Variants in ZNF106 observed in about 807,000 individuals in gnomAD.
The protein encoded by ZNF106 is SH3-domain binding protein 3.
Under a neutral mutation model 195.1 loss-of-function variants are expected in ZNF106, and 67 were observed. That is an observed-to-expected ratio of 0.34 (90% CI 0.28 to 0.42). The LOEUF (loss-of-function observed/expected upper bound fraction) is 0.42. Among genes scored for constraint, ZNF106 ranks in the 10% least tolerant of loss-of-function variants. The probability of loss-of-function intolerance (pLI) is 1.00; values close to 1 mark genes in which losing one functional copy is unlikely to be tolerated. For synonymous variants in ZNF106, 784 were observed against 818.6 expected (o/e 0.96, Z 0.72); for missense variants, 2,118 against 2,304.5 (o/e 0.92, Z 1.66).
chr15:42,460,545 G>A (rs926329631), intron 3 of ZNF106, among the ~76,000 whole-genome samples: 54 of 152,182 alleles, frequency 3.5e-4, no homozygotes, highest in Non-Finnish European at 1.6e-4. Flanking sequence ...ACCCTGCCCA[G>A]AAGGGCATAC....
At chr15:42,466,028 T>A (rs1054501580) in intron 3 of ZNF106, 25 bp downstream of exon 3, 2 of 1,524,434 alleles carry the variant, frequency 1.3e-6, no homozygotes, top group Middle Eastern at 1.7e-4. Flanking sequence ...ATTCACAAAC[T>A]TATGGAAGAG....
In ZNF106 at chr15:42,417,308, G is replaced by A; in HGVS notation, c.5717C>T (p.Ser1906Leu). 1 of 1,613,986 alleles carries A rather than the reference G, an allele frequency of 6.2e-7. No homozygotes were observed. Among genetic ancestry groups the A allele is most frequent in the Non-Finnish European group, 8.5e-7 (1 of 1,179,972 alleles). Residue 1906 changes from serine (S) to leucine (L), a missense_variant, in exon 22 of 22, where the codon TCA (serine) becomes TTA (leucine). Physicochemically the swap from Ser to Leu is moderately radical, Grantham distance 145. Transcript: ENST00000564754. ...RHAEDDSKID[S>L] ...CAACGTGGGAGGCAAAAAACTTCAT[G>A]AATCAATTTTGCTGTCATCTTCAGC...
chr15:42,472,073 G>A (rs2056682382), intron 2 of ZNF106, among the ~76,000 whole-genome samples, 163 bp downstream of exon 2: 2 of 152,024 alleles, frequency 1.3e-5, no homozygotes, highest in Non-Finnish European at 2.9e-5. Flanking sequence ...AGAAACCAGT[G>A]GAATGAGACT....
In ZNF106 at chr15:42,466,107, T is replaced by C; in HGVS notation, c.62A>G (p.Asp21Gly). The change falls in exon 3 of 22, where the codon GAC becomes GGC. Residue 21 changes from aspartate to glycine, a missense_variant. Transcript: ENST00000564754. Reference protein sequence around the residue: ...HIVYSSKKEMDEHMRSMLHHR... With the variant: ...HIVYSSKKEMGEHMRSMLHHR... ...ATGCAACATGCTCCGCATGTGTTCGTCCATCTCCTTCAAAATAAAAGAAAG... is the reference window on the plus strand; with the variant it reads ...ATGCAACATGCTCCGCATGTGTTCGCCCATCTCCTTCAAAATAAAAGAAAG... 6.5e-7 allele frequency: 1 copy of C among 1,531,566 alleles called. No individual in the cohort carries two copies. The highest frequency in any genetic ancestry group is 8.7e-7 in the Non-Finnish European group (1 of 1,145,006). The allele number at this position is 1,531,566 out of a possible 1,614,324, so 94.9% of individuals were successfully genotyped here.
intron 1 of ZNF106, among the ~76,000 whole-genome samples, chr15:42,475,398 C>A (rs1219628469): frequency 6.6e-6 from 1 of 152,102 alleles, no homozygotes; most frequent in Non-Finnish European, 1.5e-5. Context: ...GCCGAGATGA[C>A]GCCCCTGCAC....
intron 1 of ZNF106, among the ~76,000 whole-genome samples, chr15:42,481,688 G>T (rs1397741537): frequency 6.6e-6 from 1 of 152,036 alleles, no homozygotes; most frequent in Admixed American, 6.6e-5. Flanking sequence ...CTATTCTGCT[G>T]AATCTGAAAT....
At chr15:42,444,436 T>C (rs2055686985) in intron 8 of ZNF106, among the ~76,000 whole-genome samples, 174 bp from the exon 9 acceptor site, 1 of 152,196 alleles carries the variant, frequency 6.6e-6, no homozygotes, top group Non-Finnish European at 1.5e-5. Context: ...GCCTTGAAGA[T>C]TCCCAGGCAC....
At chr15:42,465,422 G>A (rs957176719) in intron 3 of ZNF106, among the ~76,000 whole-genome samples, 1 of 151,868 alleles carries the variant, frequency 6.6e-6, no homozygotes, top group East Asian at 1.9e-4. Context: ...GGGACCACAG[G>A]CTATTAGCTG....
chr15:42,444,596 G>T (rs994549468), intron 8 of ZNF106, among the ~76,000 whole-genome samples: 10 of 152,212 alleles, frequency 6.6e-5, no homozygotes, highest in African/African-American at 2.4e-4. Flanking sequence ...GACTGCTGCA[G>T]CCTACTCTGT....
At chr15:42,422,064 T>G in intron 18 of ZNF106, 76 bp from the exon 19 acceptor site, 45 of 1,279,384 alleles carry the variant, frequency 3.5e-5, no homozygotes, top group Non-Finnish European at 4.5e-5. Context: ...TAAAGGCCTT[T>G]GGCAGGTTTA....
At chr15:42,481,844 T>C (rs2056906526) in intron 1 of ZNF106, among the ~76,000 whole-genome samples, 1 of 152,206 alleles carries the variant, frequency 6.6e-6, no homozygotes, top group Admixed American at 6.5e-5. Context: ...TCTAGATTTT[T>C]CCTTTTGTCT....
chr15:42,442,095 G>C lies in ZNF106; in HGVS notation c.3741C>G (p.Ser1247=). Reference sequence around the variant, plus strand: ...TACTATTAGCTTCCAGTAATTCCTTGGACACATTGCAGGCAGAGCTTGGTG... The same window carrying C: ...TACTATTAGCTTCCAGTAATTCCTTCGACACATTGCAGGCAGAGCTTGGTG... ...AVPPSSACNV[S]KELLEANREI... Residue 1247 remains serine (S), a synonymous_variant, in exon 10 of 22, where the codon TCC becomes TCG. Coordinates refer to ENST00000564754, the MANE Select transcript of ZNF106 (RefSeq NM_001366845.3). 1 of 1,612,902 alleles carries C rather than the reference G, an allele frequency of 6.2e-7. No individual in the cohort carries two copies. The highest frequency in any genetic ancestry group is 8.5e-7 in the Non-Finnish European group (1 of 1,179,324).
At position 42,413,698 on chromosome 15, in the gene ZNF106, C is replaced by T. The variant is rs1483938762; in HGVS notation, c.*3606G>A. 1.3e-5 allele frequency: 2 copies of T among 152,560 alleles called. No individual in the cohort carries two copies. The highest frequency in any genetic ancestry group is 4.8e-5 in the African/African-American group (2 of 41,424). 9.5% of individuals were successfully genotyped at this position (152,560 alleles called of 1,614,324 possible). A position where few individuals can be genotyped will look rare whatever the true frequency, so the allele number is the denominator to read the frequency against. On this transcript the variant is annotated 3_prime_UTR_variant, in exon 22 of 22. Transcript: ENST00000564754. Reference sequence around the variant, plus strand: ...ATCACTTAAACAGTAATAATATTGCCTCTAAATTAAAGGTAAGTCAGGAGC... The same window carrying T: ...ATCACTTAAACAGTAATAATATTGCTTCTAAATTAAAGGTAAGTCAGGAGC...
intron 5 of ZNF106, among the ~76,000 whole-genome samples, chr15:42,449,294 G>C (rs573822947): frequency 6.6e-6 from 1 of 152,276 alleles, no homozygotes; most frequent in South Asian, 2.1e-4. Context: ...GCGCTTAAGA[G>C]AAAGCATGTT....
Position 42,439,110 on chromosome 15 carries a change from T to G in ZNF106, c.4467A>C (p.Glu1489Asp). 1 of 1,614,176 alleles carries G rather than the reference T, an allele frequency of 6.2e-7. No homozygotes were observed. The highest frequency in any genetic ancestry group is 8.5e-7 in the Non-Finnish European group (1 of 1,180,022). Residue 1489 changes from glutamate to aspartate, a missense_variant, in exon 11 of 22, where the codon GAA becomes GAC. Physicochemically the swap from Glu to Asp is conservative, Grantham distance 45. Coordinates refer to ENST00000564754, the MANE Select transcript of ZNF106 (RefSeq NM_001366845.3). ...CTTCATCACACCCAGAACGAGACGT[T>G]TCTAGTGGGTTTTGCTCTGTAGAGT... ...IWNSTEQNPL[E>D]TSRSGCDEVS...
intron 3 of ZNF106, 137 bp from the exon 4 acceptor site, chr15:42,457,295 T>A: frequency 1.3e-6 from 2 of 1,525,204 alleles, no homozygotes; most frequent in South Asian, 2.7e-5. Flanking sequence ...ATTTCAATGC[T>A]CCTTTCATCA....
intron 1 of ZNF106, among the ~76,000 whole-genome samples, chr15:42,481,303 A>G (rs1419151915): frequency 6.6e-6 from 1 of 150,556 alleles, no homozygotes; most frequent in Admixed American, 6.6e-5. Flanking sequence ...TCTACTAGCA[A>G]TGAATTATCT....
At chr15:42,455,759 C>T (rs573949128) in intron 4 of ZNF106, among the ~76,000 whole-genome samples, 10 of 152,152 alleles carry the variant, frequency 6.6e-5, no homozygotes, top group South Asian at 4.2e-4. Context: ...GAGGTACAGA[C>T]GGGGTATAAC....
chr15:42,482,647 GC>G (rs2141454898), intron 1 of ZNF106, among the ~76,000 whole-genome samples: 1 of 148,618 alleles, frequency 6.7e-6, no homozygotes, highest in Admixed American at 6.9e-5. Context: ...TCCTGCCTCA[GC>G]CTCCTGAGTA....
Sources: gnomAD v4.1 joint callset for allele counts (sites outside exome capture counted in the v4.1 genomes callset) on GRCh38, gnomAD v4.1.1 for gene constraint, MANE v1.5 for transcripts, NCBI Gene and HGNC (gene_info 2026-07-23, HGNC 2026-07-21) for gene names.